The following SYT9 variants were observed in gnomAD, a reference collection of about 807,000 sequenced individuals.
SYT9 encodes synaptotagmin 9.
Under a neutral mutation model 48.4 loss-of-function variants are expected in SYT9, and 22 were observed. The observed-to-expected ratio is 0.45, with a 90% CI of 0.32 to 0.65. The LOEUF is 0.65. SYT9 is among the 30% of genes least tolerant of loss of function. The pLI is 0.03. For missense variants in SYT9, 577 were observed against 622.0 expected (o/e 0.93, Z 0.77); for synonymous variants, 265 against 245.0 (o/e 1.08, Z -0.76).
chr11:7,259,098 A>G (rs192310354), intron 1 of SYT9, among the ~76,000 whole-genome samples: 99 of 152,252 alleles, frequency 6.5e-4, no homozygotes, highest in Non-Finnish European at 1.3e-3. Flanking sequence ...TGTTTATCTG[A>G]AATTGAAGTA....
intron 1 of SYT9, among the ~76,000 whole-genome samples, chr11:7,283,875 TA>T (rs958038959): frequency 2.0e-5 from 3 of 152,164 alleles, no homozygotes; most frequent in Non-Finnish European, 2.9e-5. Flanking sequence ...TGTAATTTTG[TA>T]AAAAAATTAG....
intron 3 of SYT9, among the ~76,000 whole-genome samples, chr11:7,406,535 CATATAT>C (rs57371051): frequency 0.17 from 22,468 of 135,094 alleles, 1,914 homozygotes; most frequent in African/African-American, 0.19. Flanking sequence ...TTCAATTGCG[CATATAT>C]ATATATATAT....
chr11:7,355,010 C>G (rs1433008589), intron 3 of SYT9, among the ~76,000 whole-genome samples: 1 of 152,166 alleles, frequency 6.6e-6, no homozygotes, highest in Non-Finnish European at 1.5e-5. Flanking sequence ...ATGGCTTGGA[C>G]TAGTACCTGT....
At chr11:7,411,594 T>C (rs1371945435) in intron 3 of SYT9, among the ~76,000 whole-genome samples, 2 of 152,222 alleles carry the variant, frequency 1.3e-5, no homozygotes, top group Non-Finnish European at 2.9e-5. Flanking sequence ...CTTAGCCTGA[T>C]GGGGTTTCCT....
intron 1 of SYT9, among the ~76,000 whole-genome samples, chr11:7,243,256 A>G (rs1055652226): frequency 6.6e-6 from 1 of 152,234 alleles, no homozygotes; most frequent in African/African-American, 2.4e-5. Flanking sequence ...AAGAACCAAC[A>G]TGAAAGTTGT....
At chr11:7,356,268 C>A (rs1194774836) in intron 3 of SYT9, among the ~76,000 whole-genome samples, 1 of 152,168 alleles carries the variant, frequency 6.6e-6, no homozygotes, top group Non-Finnish European at 1.5e-5. Flanking sequence ...AAACTTGAGT[C>A]GTTTTACTAG....
chr11:7,450,145 C>G (rs1848021160), intron 6 of SYT9, among the ~76,000 whole-genome samples: 1 of 152,190 alleles, frequency 6.6e-6, no homozygotes, highest in South Asian at 2.1e-4. Flanking sequence ...TTTTGTCTCC[C>G]CAGATAAAAG....
At position 7,453,794 on chromosome 11, in the gene SYT9, A is replaced by G. The variant is rs548299981; in HGVS notation, c.1468-12998A>G. 6.6e-5 allele frequency among the ~76,000 whole-genome samples: 10 copies of G among 152,312 alleles called. No homozygotes were observed. The South Asian group carries it at 2.1e-3, about 32-fold the overall frequency. ...CAAGGACCAGCGTGGCCTGTCCAGA[A>G]GTAGAGAGGAGGCAGGTGTGGCCAG... On this transcript the variant is annotated intron_variant, in intron 6 of 6. Transcript: ENST00000318881.
intron 6 of SYT9, among the ~76,000 whole-genome samples, chr11:7,421,180 G>A (rs748827054): frequency 7.2e-5 from 11 of 152,128 alleles, no homozygotes; most frequent in Non-Finnish European, 1.5e-4. Context: ...AAGGCAGTCT[G>A]GAGTATCTTA....
At chr11:7,250,657 C>G (rs1847852208), upstream of SYT9, among the ~76,000 whole-genome samples, 1 of 152,138 alleles carries the variant, frequency 6.6e-6, no homozygotes, top group Non-Finnish European at 1.5e-5. Context: ...ATTTTCTCTG[C>G]TATTCCCATG....
intron 6 of SYT9, among the ~76,000 whole-genome samples, 155 bp from the exon 7 acceptor site, chr11:7,466,637 C>G (rs1055557424): frequency 1.3e-5 from 2 of 149,602 alleles, no homozygotes; most frequent in African/African-American, 4.9e-5. Flanking sequence ...AGGAGAATTG[C>G]TTGAACCCAG....
chr11:7,266,186 GTGCTGC>G lies in SYT9; in HGVS notation c.145+13857_145+13862del, dbSNP rs58522158. On this transcript the variant is annotated intron_variant, in intron 1 of 6. Transcript: ENST00000318881. Reference sequence around the variant, plus strand: ...TTATTTCAGAGGGAATGAGAAAACAGTGCTGCTTGCTCTTCTTTAATCTGTTCCACC... The same window carrying G: ...TTATTTCAGAGGGAATGAGAAAACAGTTGCTCTTCTTTAATCTGTTCCACC... 5.9e-3 allele frequency among the ~76,000 whole-genome samples: 893 copies of G among 152,210 alleles called. 6 individuals are homozygous for G. The highest frequency in any genetic ancestry group is 0.02 in the African/African-American group (844 of 41,530).
chr11:7,354,910 T>C (rs1849987307), intron 3 of SYT9, among the ~76,000 whole-genome samples: 1 of 152,090 alleles, frequency 6.6e-6, no homozygotes, highest in Admixed American at 6.6e-5. Flanking sequence ...CCTCCACAGA[T>C]GCTATGGTAC....
intron 3 of SYT9, among the ~76,000 whole-genome samples, chr11:7,336,577 C>G (rs1379457324): frequency 1.3e-5 from 2 of 152,152 alleles, no homozygotes; most frequent in Non-Finnish European, 2.9e-5. Context: ...GTTATCCCAG[C>G]ACCATTTATT....
upstream of SYT9, among the ~76,000 whole-genome samples, chr11:7,248,432 T>C (rs1299034364): frequency 1.3e-5 from 2 of 152,188 alleles, no homozygotes; most frequent in African/African-American, 4.8e-5. Flanking sequence ...GTTTTTACAA[T>C]GTTATCTTCC....
intron 1 of SYT9, among the ~76,000 whole-genome samples, chr11:7,273,428 A>T (rs370547962): frequency 1.7e-4 from 26 of 152,262 alleles, no homozygotes; most frequent in African/African-American, 6.0e-4. Context: ...TTATGGCCCA[A>T]CTATATGTAG....
At chr11:7,461,749 G>A (rs1160627595) in intron 6 of SYT9, among the ~76,000 whole-genome samples, 1 of 152,172 alleles carries the variant, frequency 6.6e-6, no homozygotes, top group Non-Finnish European at 1.5e-5. Flanking sequence ...TACATGTAAT[G>A]AATATTAATT....
At chr11:7,284,943 AT>A (rs1848569114) in intron 1 of SYT9, among the ~76,000 whole-genome samples, 1 of 151,666 alleles carries the variant, frequency 6.6e-6, no homozygotes, top group South Asian at 2.1e-4. Context: ...CTTCTCCATA[AT>A]TTTTTCTCTT....
chr11:7,398,020 A>G (rs944649434), intron 3 of SYT9, among the ~76,000 whole-genome samples: 1 of 152,182 alleles, frequency 6.6e-6, no homozygotes, highest in Non-Finnish European at 1.5e-5. Context: ...AACAGAAGAG[A>G]TGAGAGCAGA....
Sources: gnomAD v4.1 joint callset for allele counts (sites outside exome capture counted in the v4.1 genomes callset) on GRCh38, gnomAD v4.1.1 for gene constraint, MANE v1.5 for transcripts, NCBI Gene and HGNC (gene_info 2026-07-23, HGNC 2026-07-21) for gene names.